GRB14: variants seen among roughly 807,000 people sequenced by gnomAD.
GRB14 encodes the protein growth factor receptor bound protein 14.
GRB14 carries 38 observed loss-of-function variants against 69.1 expected under a neutral mutation model. The observed-to-expected ratio is 0.55, with a 90% CI of 0.42 to 0.72. The LOEUF is 0.72. Among genes scored for constraint, GRB14 ranks in the 30% least tolerant of loss-of-function variants. The pLI is 0.00. For missense variants in GRB14, 666 were observed against 666.1 expected (o/e 1.00, Z 0.00); for synonymous variants, 247 against 241.3 (o/e 1.02, Z -0.22).
chr2:164,596,079 G>A (rs1425406898), intron 2 of GRB14, among the ~76,000 whole-genome samples: 1 of 152,136 alleles, frequency 6.6e-6, no homozygotes, highest in Non-Finnish European at 1.5e-5. Context: ...AACCGAGATT[G>A]CACCGCTGCA....
chr2:164,538,426 T>C (rs1688139689), intron 3 of GRB14, among the ~76,000 whole-genome samples: 1 of 152,144 alleles, frequency 6.6e-6, no homozygotes, highest in Non-Finnish European at 1.5e-5. Flanking sequence ...CACAGAGGAT[T>C]CTATCTGGGG....
intron 2 of GRB14, among the ~76,000 whole-genome samples, chr2:164,555,922 T>A (rs1688668091): frequency 6.6e-6 from 1 of 151,904 alleles, no homozygotes; most frequent in South Asian, 2.1e-4. Context: ...TATTTTTCTT[T>A]ATTATTTTTA....
intron 3 of GRB14, among the ~76,000 whole-genome samples, chr2:164,528,078 T>C (rs1687828439): frequency 6.6e-6 from 1 of 152,084 alleles, no homozygotes; most frequent in Non-Finnish European, 1.5e-5. Context: ...ACAGATAGTA[T>C]ATACTGCATG....
At chr2:164,507,515 T>C (rs1687222776) in intron 8 of GRB14, among the ~76,000 whole-genome samples, 1 of 152,154 alleles carries the variant, frequency 6.6e-6, no homozygotes, top group African/African-American at 2.4e-5. Flanking sequence ...ATCAATATAT[T>C]GGCAAATTAT....
rs1226815253 is a variant in GRB14 at position 164,584,563 on chromosome 2, CTAAGAA to C, written c.324+35118_324+35123del. On this transcript the variant is annotated intron_variant, in intron 2 of 13. Transcript: ENST00000263915. ...ATTTAAATATTTAGGAGATGTGTGG[CTAAGAA>C]TAAGTCCCTACGATGTAAAAAAAAA... is the stretch of plus-strand genomic sequence containing the variant. Among the ~76,000 whole-genome samples the C allele has an allele frequency of 9.2e-5, 14 of 151,750 alleles. No individual in the cohort carries two copies. In the South Asian group the frequency reaches 1.3e-3, roughly 14 times the overall value.
intron 2 of GRB14, among the ~76,000 whole-genome samples, chr2:164,587,372 C>T (rs543664917): frequency 1.5e-4 from 23 of 152,244 alleles, no homozygotes; most frequent in Admixed American, 1.5e-3. Flanking sequence ...AGGCACTGTG[C>T]TGGATGTTCA....
chr2:164,517,065 A>G (rs962064093), intron 6 of GRB14, among the ~76,000 whole-genome samples: 2 of 152,158 alleles, frequency 1.3e-5, no homozygotes, highest in Non-Finnish European at 2.9e-5. Flanking sequence ...ATACTTTATC[A>G]GCATGAGACT....
At position 164,603,812 on chromosome 2, in the gene GRB14, G is replaced by T. The variant is rs1002718335; in HGVS notation, c.324+15875C>A. On this transcript the variant is annotated intron_variant, in intron 2 of 13. Transcript: ENST00000263915. ...TATCATAAGAAACACTATAAACAAA[G>T]TTAAAGCAAGTCACAATTACTGAGA... is the stretch of plus-strand genomic sequence containing the variant. Among the ~76,000 whole-genome samples, 8 of 151,952 alleles carry T rather than the reference G, an allele frequency of 5.3e-5. No individual in the cohort carries two copies. In the East Asian group the frequency reaches 1.5e-3, roughly 29 times the overall value.
At chr2:164,530,897 A>G (rs1477265650) in intron 3 of GRB14, among the ~76,000 whole-genome samples, 1 of 152,210 alleles carries the variant, frequency 6.6e-6, no homozygotes, top group Non-Finnish European at 1.5e-5. Context: ...GTGGAGCAGA[A>G]AACTGATTTT....
intron 3 of GRB14, among the ~76,000 whole-genome samples, chr2:164,543,126 C>T (rs182511022): frequency 6.6e-6 from 1 of 151,544 alleles, no homozygotes; most frequent in African/African-American, 2.4e-5. Context: ...AACCCCATCT[C>T]TACTAAAAAT....
At chr2:164,595,802 G>A (rs1689766698) in intron 2 of GRB14, among the ~76,000 whole-genome samples, 1 of 152,146 alleles carries the variant, frequency 6.6e-6, no homozygotes, top group Non-Finnish European at 1.5e-5. Context: ...TTGCAATAGT[G>A]CAGAAATAAG....
chr2:164,570,111 T>C (rs1689090579), intron 2 of GRB14, among the ~76,000 whole-genome samples: 1 of 151,644 alleles, frequency 6.6e-6, no homozygotes, highest in Admixed American at 6.6e-5. Context: ...CTGCCTCTAC[T>C]AAAAATACAA....
At chr2:164,497,912 G>A (rs113750712) in intron 9 of GRB14, among the ~76,000 whole-genome samples, 4 of 152,052 alleles carry the variant, frequency 2.6e-5, no homozygotes, top group African/African-American at 7.2e-5. Flanking sequence ...TTTGAGATCC[G>A]TCAGTCATCA....
At chr2:164,542,853 A>G (rs956099942) in intron 3 of GRB14, among the ~76,000 whole-genome samples, 13 of 152,328 alleles carry the variant, frequency 8.5e-5, no homozygotes, top group Admixed American at 7.8e-4. Flanking sequence ...AAAATTTAAA[A>G]AAGAACTATC....
At chr2:164,605,721 G>A (rs10164764) in intron 2 of GRB14, among the ~76,000 whole-genome samples, 17,101 of 152,208 alleles carry the variant, frequency 0.11, 2,064 homozygotes, top group African/African-American at 0.3. Flanking sequence ...TTAGTTGAGA[G>A]CTATTTCCTG....
At chr2:164,596,635 T>C (rs535779914) in intron 2 of GRB14, among the ~76,000 whole-genome samples, 9 of 152,324 alleles carry the variant, frequency 5.9e-5, no homozygotes, top group Non-Finnish European at 1.0e-4. Flanking sequence ...AAGATAAAAA[T>C]AGCAAATAGT....
chr2:164,553,269 A>G (rs1402152860), intron 2 of GRB14, among the ~76,000 whole-genome samples: 4 of 152,232 alleles, frequency 2.6e-5, no homozygotes, highest in Admixed American at 6.5e-5. Flanking sequence ...CTAAATAATC[A>G]GGATATGCCA....
chr2:164,607,220 T>C (rs1250740147), intron 2 of GRB14, among the ~76,000 whole-genome samples: 1 of 152,206 alleles, frequency 6.6e-6, no homozygotes. Context: ...TATCAGTACG[T>C]TTCCAAATAT....
At chr2:164,529,773 A>G (rs562709343) in intron 3 of GRB14, among the ~76,000 whole-genome samples, 2 of 152,364 alleles carry the variant, frequency 1.3e-5, no homozygotes, top group East Asian at 1.9e-4. Context: ...CACCGATAGC[A>G]TAGCAAACCT....
Sources: allele counts gnomAD v4.1 joint callset (sites outside exome capture counted in the v4.1 genomes callset), GRCh38; gene constraint gnomAD v4.1.1; transcripts MANE v1.5; gene names NCBI Gene and HGNC (gene_info 2026-07-23, HGNC 2026-07-21).